Variants in LRP1B observed in about 807,000 individuals in gnomAD.
The protein encoded by LRP1B is low-density lipoprotein receptor-related protein 1B.
LRP1B carries 217 observed loss-of-function variants against 556.6 expected under a neutral mutation model. The observed-to-expected ratio is 0.39, with a 90% CI of 0.35 to 0.44. LRP1B has a LOEUF of 0.44. LRP1B is among the 20% of genes least tolerant of loss of function. The probability of loss-of-function intolerance (pLI) is 1.00; values close to 1 mark genes in which losing one functional copy is unlikely to be tolerated. For missense variants in LRP1B, 5,053 were observed against 5,620.8 expected, an observed-to-expected ratio of 0.90 and a Z score of 3.23; for synonymous variants, 2,047 against 1,865.8, an observed-to-expected ratio of 1.10 and a Z score of -2.50.
chr2:140,456,218 T>A (rs16843986), intron 62 of LRP1B, among the ~76,000 whole-genome samples: 2,188 of 152,306 alleles, frequency 0.014, 47 homozygotes, highest in African/African-American at 0.048. Context: ...TTTATGTGGA[T>A]CTGTGAAATA....
chr2:141,903,345 G>A (rs1389853078), intron 1 of LRP1B, among the ~76,000 whole-genome samples: 2 of 151,966 alleles, frequency 1.3e-5, no homozygotes, highest in African/African-American at 4.8e-5. Context: ...GTTAAATCTG[G>A]ATTGGATTCT....
intron 1 of LRP1B, among the ~76,000 whole-genome samples, chr2:142,059,478 G>C (rs180728171): frequency 6.6e-6 from 1 of 152,136 alleles, no homozygotes; most frequent in African/African-American, 2.4e-5. Flanking sequence ...AGTATAGATG[G>C]TACGGAGGGA....
chr2:141,644,350 T>A (rs1558776249), intron 2 of LRP1B, among the ~76,000 whole-genome samples: 1 of 151,912 alleles, frequency 6.6e-6, no homozygotes, highest in South Asian at 2.1e-4. Flanking sequence ...TCGCATAAGA[T>A]CTCTCTCTTG....
intron 2 of LRP1B, among the ~76,000 whole-genome samples, chr2:141,510,009 G>A (rs776548354): frequency 7.9e-5 from 12 of 152,002 alleles, no homozygotes; most frequent in Non-Finnish European, 1.8e-4. Context: ...GAAGAGATAA[G>A]GAGAAAAGCC....
At chr2:141,510,226 ACACACACACC>A (rs1354068373) in intron 2 of LRP1B, among the ~76,000 whole-genome samples, 5 of 150,384 alleles carry the variant, frequency 3.3e-5, no homozygotes, top group East Asian at 2.0e-4. Flanking sequence ...ACACACACAC[ACACACACACC>A]CCCCACAGTC....
rs373460253 is a variant in LRP1B, at chr2:141,715,328, T to C, written c.205+94951A>G. Among the ~76,000 whole-genome samples the C allele has an allele frequency of 5.1e-4, 77 of 151,964 alleles. 1 individual carries two copies. The highest frequency in any genetic ancestry group is 1.7e-3 in the African/African-American group (71 of 41,438). On this transcript the variant is annotated intron_variant, in intron 2 of 90. Transcript: ENST00000389484. ...TCAAACAAAAGTCAAAAAATCAGCCTGATGTGGGGGTATGTGCCTGTTGTT... is the reference window on the plus strand; with the variant it reads ...TCAAACAAAAGTCAAAAAATCAGCCCGATGTGGGGGTATGTGCCTGTTGTT...
At chr2:140,728,338 CA>C (rs1687663491) in intron 35 of LRP1B, among the ~76,000 whole-genome samples, 1 of 152,136 alleles carries the variant, frequency 6.6e-6, no homozygotes, top group Admixed American at 6.5e-5. Flanking sequence ...TTTCAGGTAA[CA>C]CGTGAGAACT....
At chr2:141,927,866 G>A in intron 1 of LRP1B, among the ~76,000 whole-genome samples, 1 of 119,662 alleles carries the variant, frequency 8.4e-6, no homozygotes, top group East Asian at 2.6e-4. Flanking sequence ...CCTGTCCTTA[G>A]CAGCATTAGC....
At chr2:141,374,465 C>A (rs916506620) in intron 3 of LRP1B, among the ~76,000 whole-genome samples, 1 of 152,126 alleles carries the variant, frequency 6.6e-6, no homozygotes, top group South Asian at 2.1e-4. Context: ...CCTTAAATAG[C>A]TTTTCTAAAC....
At chr2:141,329,186 G>A (rs1199199551) in intron 3 of LRP1B, among the ~76,000 whole-genome samples, 2 of 151,950 alleles carry the variant, frequency 1.3e-5, no homozygotes, top group Non-Finnish European at 2.9e-5. Flanking sequence ...TCAGGAGTTC[G>A]AGACCAGCCT....
intron 7 of LRP1B, among the ~76,000 whole-genome samples, chr2:141,082,551 ATAT>A (rs1699950200): frequency 6.6e-6 from 1 of 152,220 alleles, no homozygotes. Flanking sequence ...AAAATGGAAA[ATAT>A]TATCTTACCC....
chr2:141,127,309 A>G (rs537006211), intron 7 of LRP1B, among the ~76,000 whole-genome samples: 1 of 152,218 alleles, frequency 6.6e-6, no homozygotes, highest in African/African-American at 2.4e-5. Flanking sequence ...AATTAGTCCA[A>G]CCATTATGGA....
At chr2:141,679,818 A>G (rs1476512164) in intron 2 of LRP1B, among the ~76,000 whole-genome samples, 2 of 152,016 alleles carry the variant, frequency 1.3e-5, no homozygotes, top group African/African-American at 4.8e-5. Flanking sequence ...CTTTGATATA[A>G]TTTATGTAGA....
Position 140,839,973 on chromosome 2 carries a change from A to G in LRP1B, c.5209+18T>C, listed in dbSNP as rs747600640. The G allele has an allele frequency of 6.5e-7, 1 of 1,535,560 alleles. No homozygotes were observed. Among genetic ancestry groups the G allele is most frequent in the South Asian group, 1.1e-5 (1 of 88,100 alleles). ...TTGTCACATTGAAAACTTGGTGACT[A>G]TTAAAAAAAATACTTACCAACTGGC... is the stretch of plus-strand genomic sequence containing the variant. On this transcript the variant is annotated intron_variant, in intron 31 of 90. Coordinates refer to ENST00000389484, the MANE Select transcript of LRP1B (RefSeq NM_018557.3).
intron 2 of LRP1B, among the ~76,000 whole-genome samples, chr2:141,723,949 C>T (rs978124827): frequency 2.0e-5 from 3 of 151,820 alleles, no homozygotes; most frequent in African/African-American, 7.2e-5. Flanking sequence ...ATAAGTTTAT[C>T]TTACTTTGTA....
At chr2:140,494,702 GTTAATT>G (rs1285959334) in intron 56 of LRP1B, among the ~76,000 whole-genome samples, 5 of 150,544 alleles carry the variant, frequency 3.3e-5, no homozygotes, top group Non-Finnish European at 1.5e-5. Flanking sequence ...ATTGAAAGGA[GTTAATT>G]TTTTTTTCTT....
chr2:140,561,168 T>C (rs1680914938), intron 43 of LRP1B, among the ~76,000 whole-genome samples: 1 of 152,120 alleles, frequency 6.6e-6, no homozygotes, highest in South Asian at 2.1e-4. Flanking sequence ...CCGTAAAAGG[T>C]AGAATGATTA....
intron 32 of LRP1B, among the ~76,000 whole-genome samples, chr2:140,791,025 G>T (rs779224918): frequency 6.6e-6 from 1 of 151,860 alleles, no homozygotes; most frequent in Non-Finnish European, 1.5e-5. Context: ...GGAGGCCGAG[G>T]AGGGTGGATC....
chr2:140,956,341 G>A (rs1468014240), intron 18 of LRP1B, among the ~76,000 whole-genome samples: 1 of 151,632 alleles, frequency 6.6e-6, no homozygotes, highest in East Asian at 1.9e-4. Flanking sequence ...ACTATACCAT[G>A]CTGATTATAC....
Sources: allele counts gnomAD v4.1 joint callset (sites outside exome capture counted in the v4.1 genomes callset), GRCh38; gene constraint gnomAD v4.1.1; transcripts MANE v1.5; gene names NCBI Gene and HGNC (gene_info 2026-07-23, HGNC 2026-07-21).